Variants in BBS9 observed in about 807,000 individuals in gnomAD.
The protein encoded by BBS9 is protein PTHB1.
BBS9 carries 89 observed loss-of-function variants against 117.7 expected under a neutral mutation model. That is an observed-to-expected ratio of 0.76 (90% CI 0.64 to 0.90). The LOEUF (loss-of-function observed/expected upper bound fraction) is 0.90. BBS9 is among the 40% of genes least tolerant of loss of function. BBS9 has a pLI of 0.00. For missense variants in BBS9, 982 were observed against 1,042.2 expected (o/e 0.94, Z 0.80); for synonymous variants, 379 against 370.9 (o/e 1.02, Z -0.25).
intron 9 of BBS9, among the ~76,000 whole-genome samples, chr7:33,288,958 A>G (rs1221437618): frequency 6.6e-6 from 1 of 152,176 alleles, no homozygotes; most frequent in Non-Finnish European, 1.5e-5. Context: ...ACAGCTAATT[A>G]CAGCCTAAGT....
At chr7:33,269,744 G>A (rs1007929625) in intron 7 of BBS9, among the ~76,000 whole-genome samples, 9 of 151,022 alleles carry the variant, frequency 6.0e-5, no homozygotes, top group Non-Finnish European at 1.2e-4. Context: ...AAAAAAAAAG[G>A]CCAGGCGCAG....
At chr7:33,258,871 C>T (rs1797509987) in intron 6 of BBS9, among the ~76,000 whole-genome samples, 1 of 150,264 alleles carries the variant, frequency 6.7e-6, no homozygotes, top group Non-Finnish European at 1.5e-5. Context: ...TTTAATCTAA[C>T]AGAAGCTCAC....
At chr7:33,332,110 G>A (rs1162135847) in intron 9 of BBS9, among the ~76,000 whole-genome samples, 1 of 151,028 alleles carries the variant, frequency 6.6e-6, no homozygotes, top group African/African-American at 2.4e-5. Context: ...CGGGCACATA[G>A]ACCAATGGAA....
intron 5 of BBS9, among the ~76,000 whole-genome samples, chr7:33,231,428 CT>C (rs35407590): frequency 0.52 from 55,014 of 106,166 alleles, 11,949 homozygotes; most frequent in Admixed American, 0.58. Context: ...GCCTATGTGT[CT>C]TTTTTTTTTT....
intron 19 of BBS9, among the ~76,000 whole-genome samples, chr7:33,405,368 T>C (rs369457931): frequency 0.29 from 44,074 of 151,762 alleles, 6,763 homozygotes; most frequent in African/African-American, 0.39. Flanking sequence ...TAAAATGAGT[T>C]AGGGAGGATT....
chr7:33,231,239 T>C (rs904825421), intron 5 of BBS9, among the ~76,000 whole-genome samples: 1 of 151,944 alleles, frequency 6.6e-6, no homozygotes, highest in South Asian at 2.1e-4. Flanking sequence ...CCTGAGGTCA[T>C]GTGATCCTCC....
chr7:33,529,602 C>T (rs1850245644), intron 20 of BBS9, among the ~76,000 whole-genome samples: 1 of 151,134 alleles, frequency 6.6e-6, no homozygotes, highest in Non-Finnish European at 1.5e-5. Context: ...CCCTTCCCTT[C>T]CCTCCCCTCC....
At chr7:33,219,960 A>C (rs570604898) in intron 5 of BBS9, among the ~76,000 whole-genome samples, 21 of 152,202 alleles carry the variant, frequency 1.4e-4, no homozygotes, top group Non-Finnish European at 2.5e-4. Flanking sequence ...TGAGCTAGCG[A>C]GACCATGAAC....
At chr7:33,545,923 CCTTTTTT>C (rs1853265821) in intron 21 of BBS9, among the ~76,000 whole-genome samples, 1 of 106,858 alleles carries the variant, frequency 9.4e-6, no homozygotes, top group Non-Finnish European at 1.8e-5. Context: ...GCTTTATAAT[CCTTTTTT>C]TTTTTTTTTT....
At chr7:33,455,400 A>G (rs1838495459) in intron 19 of BBS9, among the ~76,000 whole-genome samples, 1 of 152,226 alleles carries the variant, frequency 6.6e-6, no homozygotes, top group South Asian at 2.1e-4. Context: ...AAAATTTTCC[A>G]GGTAAAATCT....
At position 33,296,474 on chromosome 7, in the gene BBS9, GA is replaced by G. The variant is rs1805298007; in HGVS notation, c.1016+22520del. The stretch of plus-strand genomic sequence containing the variant: ...AACTTCATTTTGAGTTTGTAGTTTG[GA>G]AGTTCTTTTAAGTCAAGGAATAATC... On this transcript the variant is annotated intron_variant, in intron 9 of 22. Transcript: ENST00000242067. Among the ~76,000 whole-genome samples, 5 of 152,204 alleles carry G rather than the reference GA, an allele frequency of 3.3e-5. No individual in the cohort carries two copies. In the South Asian group the frequency reaches 1.0e-3, roughly 32 times the overall value.
intron 19 of BBS9, among the ~76,000 whole-genome samples, chr7:33,419,231 G>A (rs1832496029): frequency 6.6e-6 from 1 of 151,906 alleles, no homozygotes; most frequent in Admixed American, 6.6e-5. Flanking sequence ...TTAACTATTT[G>A]CTAGTTAATG....
At chr7:33,174,285 C>T (rs114187117) in intron 4 of BBS9, among the ~76,000 whole-genome samples, 216 of 152,326 alleles carry the variant, frequency 1.4e-3, no homozygotes, top group African/African-American at 5.0e-3. Flanking sequence ...CTCGCTTGGT[C>T]GCTCAGCTCT....
chr7:33,159,286 C>T (rs1447637395), intron 4 of BBS9, among the ~76,000 whole-genome samples: 1 of 152,124 alleles, frequency 6.6e-6, no homozygotes, highest in African/African-American at 2.4e-5. Flanking sequence ...TATTTCATCT[C>T]AAAACCCACT....
At chr7:33,181,787 C>T (rs1218924077) in intron 5 of BBS9, among the ~76,000 whole-genome samples, 1 of 152,136 alleles carries the variant, frequency 6.6e-6, no homozygotes, top group South Asian at 2.1e-4. Flanking sequence ...TCCCATCTAA[C>T]TTAAAACAAT....
chr7:33,307,692 G>A (rs1005357815), intron 9 of BBS9, among the ~76,000 whole-genome samples: 1 of 151,636 alleles, frequency 6.6e-6, no homozygotes, highest in Admixed American at 6.6e-5. Flanking sequence ...TGAATGCTAT[G>A]TAAATAGTTG....
intron 21 of BBS9, among the ~76,000 whole-genome samples, chr7:33,566,200 A>G (rs1856908418): frequency 6.6e-6 from 1 of 151,840 alleles, no homozygotes; most frequent in South Asian, 2.1e-4. Flanking sequence ...TTGTTAAGAT[A>G]TTGGCATAAT....
chr7:33,225,716 T>TG lies in BBS9; in HGVS notation c.443-31519dup, dbSNP rs1257418087. On this transcript the variant is annotated intron_variant, in intron 5 of 22. Transcript: ENST00000242067. ...GCTTGGTTCTTTTTTTTTTTTTTTT[T>TG]GTGGGAAATGGCATTTGAAGATCAC... 1.9e-4 allele frequency among the ~76,000 whole-genome samples: 29 copies of TG among 151,240 alleles called. 1 individual carries two copies. The Middle Eastern group carries it at 0.017, about 89-fold the overall frequency.
At chr7:33,227,446 C>G (rs887309996) in intron 5 of BBS9, among the ~76,000 whole-genome samples, 2 of 151,922 alleles carry the variant, frequency 1.3e-5, no homozygotes, top group Non-Finnish European at 2.9e-5. Context: ...TGCACCCGGC[C>G]TAATCTTTTT....
Sources: allele counts gnomAD v4.1 joint callset (sites outside exome capture counted in the v4.1 genomes callset), GRCh38; gene constraint gnomAD v4.1.1; transcripts MANE v1.5; gene names NCBI Gene and HGNC (gene_info 2026-07-23, HGNC 2026-07-21).